SDC3: variants seen among roughly 807,000 people sequenced by gnomAD.
The protein encoded by SDC3 is syndecan 3.
In SDC3, 13 loss-of-function variants were observed where a neutral mutation model predicts 24.4. That is an observed-to-expected ratio of 0.53 (90% CI 0.35 to 0.85). SDC3 has a LOEUF of 0.85. Among genes scored for constraint, SDC3 ranks in the 40% least tolerant of loss-of-function variants. The pLI is 0.01. For missense variants in SDC3, 571 were observed against 584.5 expected, an observed-to-expected ratio of 0.98 and a Z score of 0.24; for synonymous variants, 295 against 260.9, an observed-to-expected ratio of 1.13 and a Z score of -1.26.
chr1:30,895,108 G>T (rs1159500143), intron 1 of SDC3, among the ~76,000 whole-genome samples: 1 of 152,058 alleles, frequency 6.6e-6, no homozygotes, highest in Non-Finnish European at 1.5e-5. Context: ...GCTGAGGCAG[G>T]GGGAGGGACA....
chr1:30,898,668 C>A (rs1218502925), intron 1 of SDC3, among the ~76,000 whole-genome samples: 1 of 152,202 alleles, frequency 6.6e-6, no homozygotes, highest in Non-Finnish European at 1.5e-5. Flanking sequence ...GAGCAGGCCT[C>A]CCCTCCCCAC....
At chr1:30,887,548 C>T (rs568903121) in intron 1 of SDC3, among the ~76,000 whole-genome samples, 5 of 152,302 alleles carry the variant, frequency 3.3e-5, no homozygotes, top group South Asian at 2.1e-4. Flanking sequence ...TCCACCCAAA[C>T]GACGTCCCCA....
In SDC3 at chr1:30,876,745, G is replaced by A. The variant is rs1399973374; in HGVS notation, c.677C>T (p.Thr226Ile). 1.3e-6 allele frequency: 2 copies of A among 1,588,908 alleles called. No individual in the cohort carries two copies. Among genetic ancestry groups the A allele is most frequent in the Non-Finnish European group, 1.7e-6 (2 of 1,167,268 alleles). Residue 226 changes from threonine to isoleucine, a missense_variant, in exon 3 of 5, where the codon ACC (threonine) becomes ATC (isoleucine). Transcript: ENST00000339394. ...GGTGGGCGGGGAGGGCGCCTCGGGGGTAGTGGCCCGTGCCGTAGCCACTGT... is the reference window on the plus strand; with the variant it reads ...GGTGGGCGGGGAGGGCGCCTCGGGGATAGTGGCCCGTGCCGTAGCCACTGT... ...LTTVATARAT[T>I]PEAPSPPTTA...
intron 1 of SDC3, among the ~76,000 whole-genome samples, chr1:30,881,085 C>A (rs1639736938): frequency 6.6e-6 from 1 of 150,982 alleles, no homozygotes; most frequent in African/African-American, 2.4e-5. Flanking sequence ...CATATATATT[C>A]TTCTGCATGT....
In SDC3 at chr1:30,874,490, CTCT is replaced by C. The variant is rs1557512935; in HGVS notation, c.966_968del (p.Glu323del). The C allele has an allele frequency of 3.7e-6, 6 of 1,614,172 alleles. No homozygotes were observed. The highest frequency in any genetic ancestry group is 3.3e-5 in the Admixed American group (2 of 60,030). ...CATTGGCTGTGTCTGGTTGTGTGGT[CTCT>C]TCTTCTGGCAGCTCGAAGTCTCCAC... On this transcript the variant is annotated inframe_deletion, in exon 4 of 5. Transcript: ENST00000339394.
chr1:30,908,431 C>T lies in SDC3; in HGVS notation c.138+18G>A, dbSNP rs1638575579. Reference sequence around the variant, plus strand: ...GCCCCGGGGAGCCGTGGCGGGGATCCGGGCGCGTGTCACTCACCCCCGCGG... The same window carrying T: ...GCCCCGGGGAGCCGTGGCGGGGATCTGGGCGCGTGTCACTCACCCCCGCGG... On this transcript the variant is annotated intron_variant, in intron 1 of 4. Coordinates refer to ENST00000339394, the MANE Select transcript of SDC3 (RefSeq NM_014654.4). The T allele has an allele frequency of 4.9e-6, 5 of 1,024,110 alleles. No individual in the cohort carries two copies. The highest frequency in any genetic ancestry group is 5.8e-6 in the Non-Finnish European group (5 of 855,466). 63.4% of individuals were successfully genotyped at this position (1,024,110 alleles called of 1,614,324 possible).
chr1:30,878,398 G>C, intron 2 of SDC3: 1 of 501,692 alleles, frequency 2.0e-6, no homozygotes, highest in South Asian at 3.0e-5. Context: ...GGACCCTGGA[G>C]ACCTGGACAT....
rs1266382061 is a variant in SDC3, at chr1:30,870,866, C to CT, written c.*2344dup. On this transcript the variant is annotated 3_prime_UTR_variant, in exon 5 of 5. Coordinates refer to ENST00000339394, the MANE Select transcript of SDC3 (RefSeq NM_014654.4). The stretch of plus-strand genomic sequence containing the variant: ...CTGGGGGCCCAAGCCCTTTTCTCCT[C>CT]TATCCTCCCTGGTTTCTCAGCCTCG... 4 of 152,668 alleles carry CT rather than the reference C, an allele frequency of 2.6e-5. No individual in the cohort carries two copies. Among genetic ancestry groups the CT allele is most frequent in the African/African-American group, 9.6e-5 (4 of 41,464 alleles). 9.5% of individuals were successfully genotyped at this position (152,668 alleles called of 1,614,324 possible).
Position 30,870,036 on chromosome 1 carries a change from G to C in SDC3, c.*3175C>G. The C allele has an allele frequency of 2.5e-6, 1 of 397,750 alleles. No individual in the cohort carries two copies. Among genetic ancestry groups the C allele is most frequent in the Non-Finnish European group, 4.4e-6 (1 of 226,066 alleles). 24.6% of individuals were successfully genotyped at this position (397,750 alleles called of 1,614,324 possible). A position where few individuals can be genotyped will look rare whatever the true frequency, so the allele number is the denominator to read the frequency against. ...TCTATTTACAGGCAAGAGGCCTGGGGAGGCAAGTCCAGGGTTGTAGTTGTT... is the reference window on the plus strand; with the variant it reads ...TCTATTTACAGGCAAGAGGCCTGGGCAGGCAAGTCCAGGGTTGTAGTTGTT... On this transcript the variant is annotated 3_prime_UTR_variant, in exon 5 of 5. Coordinates refer to ENST00000339394, the MANE Select transcript of SDC3 (RefSeq NM_014654.4).
chr1:30,894,363 AGTGT>A (rs200080596), intron 1 of SDC3, among the ~76,000 whole-genome samples: 27 of 33,696 alleles, frequency 8.0e-4, no homozygotes, highest in Non-Finnish European at 1.7e-3. Flanking sequence ...AGTGTGTGTG[AGTGT>A]GTGTGTGGGT....
chr1:30,902,809 G>A (rs775996186), intron 1 of SDC3, among the ~76,000 whole-genome samples: 17 of 152,286 alleles, frequency 1.1e-4, no homozygotes, highest in Admixed American at 3.3e-4. Context: ...CCCAGCCCAC[G>A]GGCACATGCC....
chr1:30,875,402 T>G (rs1157683006), intron 3 of SDC3, among the ~76,000 whole-genome samples: 1 of 152,114 alleles, frequency 6.6e-6, no homozygotes, highest in Admixed American at 6.5e-5. Context: ...CAAGTCTGTG[T>G]GAAAACACCA....
intron 1 of SDC3, among the ~76,000 whole-genome samples, chr1:30,898,190 G>A (rs1047153105): frequency 1.1e-4 from 17 of 152,102 alleles, no homozygotes; most frequent in East Asian, 5.8e-4. Context: ...ACCCCTCGCC[G>A]CCAAGGGAGG....
intron 1 of SDC3, among the ~76,000 whole-genome samples, chr1:30,885,511 T>G (rs1639814540): frequency 6.6e-6 from 1 of 152,218 alleles, no homozygotes; most frequent in South Asian, 2.1e-4. Flanking sequence ...TCTCCATCCC[T>G]GGTGTTCTCT....
chr1:30,889,383 CCA>C (rs1639874671), intron 1 of SDC3, among the ~76,000 whole-genome samples: 1 of 152,098 alleles, frequency 6.6e-6, no homozygotes, highest in African/African-American at 2.4e-5. Context: ...GCACTGGTTC[CCA>C]CACACAGTAC....
chr1:30,891,171 AG>A (rs1354708623), intron 1 of SDC3, among the ~76,000 whole-genome samples: 1 of 152,212 alleles, frequency 6.6e-6, no homozygotes, highest in African/African-American at 2.4e-5. Context: ...CTGCCAGGGA[AG>A]GGGCAGAGCC....
chr1:30,877,170 G>T lies in SDC3; in HGVS notation c.257-5C>A. The T allele has an allele frequency of 6.2e-7, 1 of 1,613,724 alleles. No homozygotes were observed. The highest frequency in any genetic ancestry group is 1.1e-5 in the South Asian group (1 of 91,040). On this transcript the variant is annotated splice_polypyrimidine_tract_variant and splice_region_variant and intron_variant, in intron 2 of 4. Coordinates refer to ENST00000339394, the MANE Select transcript of SDC3 (RefSeq NM_014654.4). Reference sequence around the variant, plus strand: ...TGCCCGACTCCTGCTCGAAGTCTGAGGGGGTGGGGGAGAGGGAGAGAGCTA... The same window carrying T: ...TGCCCGACTCCTGCTCGAAGTCTGATGGGGTGGGGGAGAGGGAGAGAGCTA...
intron 1 of SDC3, among the ~76,000 whole-genome samples, chr1:30,888,016 T>C (rs1207128379): frequency 6.6e-6 from 1 of 152,150 alleles, no homozygotes; most frequent in Non-Finnish European, 1.5e-5. Context: ...AAAATGTTTA[T>C]GTAAATTATA....
At chr1:30,904,978 T>C (rs1638486821) in intron 1 of SDC3, among the ~76,000 whole-genome samples, 1 of 152,122 alleles carries the variant, frequency 6.6e-6, no homozygotes, top group Non-Finnish European at 1.5e-5. Context: ...AATCCCTCAC[T>C]GGAAATCACA....
Sources: gnomAD v4.1 joint callset for allele counts (sites outside exome capture counted in the v4.1 genomes callset) on GRCh38, gnomAD v4.1.1 for gene constraint, MANE v1.5 for transcripts, NCBI Gene and HGNC (gene_info 2026-07-23, HGNC 2026-07-21) for gene names.